SDK1: variants seen among roughly 807,000 people sequenced by gnomAD.
The protein encoded by SDK1 is protein sidekick-1.
In SDK1, 157 loss-of-function variants were observed where a neutral mutation model predicts 245.5. The ratio of observed to expected loss-of-function variants is 0.64; its 90% confidence interval spans 0.56 to 0.73. SDK1 has a LOEUF of 0.73. SDK1 is among the 30% of genes least tolerant of loss of function. SDK1 has a pLI of 0.00. For missense variants in SDK1, 3,583 were observed against 3,002.3 expected, an observed-to-expected ratio of 1.19 and a Z score of -4.52; for synonymous variants, 1,647 against 1,278.5, an observed-to-expected ratio of 1.29 and a Z score of -6.15.
intron 1 of SDK1, among the ~76,000 whole-genome samples, chr7:3,391,980 T>C (rs895502196): frequency 7.9e-5 from 12 of 151,002 alleles, no homozygotes; most frequent in African/African-American, 2.4e-4. Flanking sequence ...TATATATATA[T>C]ATATATATGC....
intron 22 of SDK1, 94 bp from the exon 23 acceptor site, chr7:4,110,569 C>A: frequency 2.3e-6 from 2 of 876,796 alleles, no homozygotes; most frequent in East Asian, 2.5e-5. Flanking sequence ...CAGCCCTGCC[C>A]AGCTCACCAG....
At chr7:3,427,310 G>A (rs979124034) in intron 1 of SDK1, among the ~76,000 whole-genome samples, 1 of 152,150 alleles carries the variant, frequency 6.6e-6, no homozygotes, top group Non-Finnish European at 1.5e-5. Context: ...CCTGAGGTCA[G>A]GAGTTCGAGA....
intron 5 of SDK1, among the ~76,000 whole-genome samples, chr7:3,919,683 G>A (rs1779521309): frequency 1.3e-5 from 2 of 152,186 alleles, no homozygotes; most frequent in African/African-American, 4.8e-5. Flanking sequence ...CTGACTCCAT[G>A]TTGCTCTACT....
At chr7:3,955,905 C>T (rs768739615) in intron 7 of SDK1, among the ~76,000 whole-genome samples, 1 of 152,182 alleles carries the variant, frequency 6.6e-6, no homozygotes, top group Non-Finnish European at 1.5e-5. Flanking sequence ...CACCTCCTCT[C>T]CTGAGACTGG....
intron 22 of SDK1, among the ~76,000 whole-genome samples, chr7:4,088,926 G>A (rs750186823): frequency 9.2e-5 from 14 of 151,982 alleles, no homozygotes; most frequent in Non-Finnish European, 1.5e-4. Flanking sequence ...TCACTCAGGC[G>A]GAGGTGAGAC....
intron 4 of SDK1, among the ~76,000 whole-genome samples, chr7:3,652,315 G>C (rs1783035620): frequency 6.6e-6 from 1 of 152,182 alleles, no homozygotes. Flanking sequence ...TGAAGAGCCA[G>C]GAGAGAGTGA....
At chr7:3,595,602 G>A (rs543877848) in intron 1 of SDK1, among the ~76,000 whole-genome samples, 1 of 152,046 alleles carries the variant, frequency 6.6e-6, no homozygotes, top group Admixed American at 6.5e-5. Flanking sequence ...CTTAGGGGCA[G>A]TGAGGCAGAG....
intron 17 of SDK1, among the ~76,000 whole-genome samples, chr7:4,018,297 A>G (rs1786585111): frequency 6.6e-6 from 1 of 152,182 alleles, no homozygotes; most frequent in South Asian, 2.1e-4. Context: ...TCTCTCCCCA[A>G]ATCATGCCTG....
At chr7:3,767,638 C>T (rs1430647783) in intron 4 of SDK1, among the ~76,000 whole-genome samples, 3 of 152,100 alleles carry the variant, frequency 2.0e-5, no homozygotes, top group East Asian at 3.9e-4. Flanking sequence ...TAATATCCTT[C>T]TCATCACTTT....
At chr7:4,133,724 C>T (rs979462031) in intron 28 of SDK1, among the ~76,000 whole-genome samples, 3 of 152,098 alleles carry the variant, frequency 2.0e-5, no homozygotes, top group Admixed American at 6.6e-5. Context: ...AGAATGTGGC[C>T]CTGAGACCTG....
At chr7:3,525,767 C>G (rs538969035) in intron 1 of SDK1, among the ~76,000 whole-genome samples, 4 of 152,224 alleles carry the variant, frequency 2.6e-5, no homozygotes, top group African/African-American at 9.6e-5. Flanking sequence ...TAAAATATTT[C>G]TTCTTCCTGG....
At chr7:3,350,001 A>T (rs895936238) in intron 1 of SDK1, among the ~76,000 whole-genome samples, 12 of 152,184 alleles carry the variant, frequency 7.9e-5, no homozygotes, top group African/African-American at 2.7e-4. Flanking sequence ...CAGGTAGAGG[A>T]TGAAGTTTGG....
At chr7:3,819,102 A>G (rs546150535) in intron 4 of SDK1, among the ~76,000 whole-genome samples, 7 of 152,236 alleles carry the variant, frequency 4.6e-5, no homozygotes, top group Non-Finnish European at 8.8e-5. Flanking sequence ...TCATTTAAAA[A>G]GTCAGTCTCT....
At chr7:3,356,399 C>T (rs1047570741) in intron 1 of SDK1, among the ~76,000 whole-genome samples, 4 of 152,160 alleles carry the variant, frequency 2.6e-5, no homozygotes, top group African/African-American at 9.7e-5. Flanking sequence ...GTGTTTGTTA[C>T]CGCTCTTTAA....
intron 4 of SDK1, among the ~76,000 whole-genome samples, chr7:3,723,188 C>T (rs1027624237): frequency 3.3e-5 from 5 of 152,012 alleles, no homozygotes; most frequent in African/African-American, 1.2e-4. Flanking sequence ...GAGCTTTGTC[C>T]CTGTTGAATA....
At chr7:3,588,815 T>G (rs1206157507) in intron 1 of SDK1, among the ~76,000 whole-genome samples, 1 of 152,234 alleles carries the variant, frequency 6.6e-6, no homozygotes, top group East Asian at 1.9e-4. Flanking sequence ...ATCACTACTT[T>G]GGATGATCCA....
At chr7:3,339,641 A>G (rs925624518) in intron 1 of SDK1, among the ~76,000 whole-genome samples, 5 of 146,192 alleles carry the variant, frequency 3.4e-5, no homozygotes, top group African/African-American at 1.3e-4. Context: ...TAACACATTT[A>G]TAAATAATTC....
At chr7:3,535,447 C>G (rs776773453) in intron 1 of SDK1, among the ~76,000 whole-genome samples, 2 of 152,124 alleles carry the variant, frequency 1.3e-5, no homozygotes, top group Admixed American at 6.5e-5. Context: ...TTACTTTGCA[C>G]CATATGGCTG....
chr7:3,763,960 T>C (rs1257983864), intron 4 of SDK1, among the ~76,000 whole-genome samples: 1 of 152,204 alleles, frequency 6.6e-6, no homozygotes, highest in Non-Finnish European at 1.5e-5. Flanking sequence ...CTCATGCCCC[T>C]TCCCAGTCAA....
Sources: gnomAD v4.1 joint callset for allele counts (sites outside exome capture counted in the v4.1 genomes callset) on GRCh38, gnomAD v4.1.1 for gene constraint, MANE v1.5 for transcripts, NCBI Gene and HGNC (gene_info 2026-07-23, HGNC 2026-07-21) for gene names.